The following CDH12 variants were observed in gnomAD, a reference collection of about 807,000 sequenced individuals.
CDH12 encodes cadherin-12.
In CDH12, 41 loss-of-function variants were observed where a neutral mutation model predicts 74.1. That is an observed-to-expected ratio of 0.55 (90% CI 0.43 to 0.72). The LOEUF (loss-of-function observed/expected upper bound fraction) is 0.72, where lower values mean the gene tolerates loss of function less well. Ranked by LOEUF, CDH12 falls within the 30% of genes least tolerant of loss-of-function variation. The pLI is 0.00. For missense variants in CDH12, 945 were observed against 977.2 expected (o/e 0.97, Z 0.44); for synonymous variants, 399 against 355.0 (o/e 1.12, Z -1.39).
chr5:21,798,836 G>T (rs1746946919), intron 10 of CDH12, among the ~76,000 whole-genome samples: 1 of 152,076 alleles, frequency 6.6e-6, no homozygotes, highest in Admixed American at 6.6e-5. Context: ...TCCATCAACG[G>T]TAATTTGTTA....
intron 6 of CDH12, among the ~76,000 whole-genome samples, chr5:21,867,166 C>T (rs957825835): frequency 7.2e-5 from 11 of 152,098 alleles, no homozygotes; most frequent in Non-Finnish European, 1.3e-4. Context: ...ACCAGTCTGG[C>T]CAACATGGTG....
chr5:22,197,997 A>G (rs1236538263), intron 4 of CDH12, among the ~76,000 whole-genome samples: 1 of 151,882 alleles, frequency 6.6e-6, no homozygotes, highest in Non-Finnish European at 1.5e-5. Flanking sequence ...GATAAAAATA[A>G]CAGTAAAATA....
At chr5:22,466,117 T>C (rs557647585) in intron 2 of CDH12, among the ~76,000 whole-genome samples, 2 of 152,316 alleles carry the variant, frequency 1.3e-5, no homozygotes, top group South Asian at 4.1e-4. Flanking sequence ...TCTAACCTGC[T>C]GATCTTTTTC....
At chr5:22,239,033 A>G (rs2050432055) in intron 3 of CDH12, among the ~76,000 whole-genome samples, 1 of 152,198 alleles carries the variant, frequency 6.6e-6, no homozygotes, top group African/African-American at 2.4e-5. Context: ...ACATATAAGA[A>G]TTTCTAGTAA....
At chr5:21,812,936 G>C (rs767050729) in intron 9 of CDH12, among the ~76,000 whole-genome samples, 8 of 152,092 alleles carry the variant, frequency 5.3e-5, no homozygotes, top group Admixed American at 1.3e-4. Flanking sequence ...TGTTTTATTA[G>C]GCTCTGAAGT....
chr5:21,999,300 A>G (rs1327298594), intron 5 of CDH12, among the ~76,000 whole-genome samples: 2 of 152,148 alleles, frequency 1.3e-5, no homozygotes, highest in Non-Finnish European at 1.5e-5. Flanking sequence ...ACCAACATTT[A>G]AAAGGCAAAC....
chr5:22,493,361 G>T (rs868244281), intron 2 of CDH12, among the ~76,000 whole-genome samples: 1 of 152,016 alleles, frequency 6.6e-6, no homozygotes, highest in African/African-American at 2.4e-5. Flanking sequence ...AAACATACTG[G>T]GTTTGTTGAA....
chr5:22,471,670 G>C (rs1006082234), intron 2 of CDH12, among the ~76,000 whole-genome samples: 3 of 151,964 alleles, frequency 2.0e-5, no homozygotes, highest in Non-Finnish European at 2.9e-5. Context: ...CTCAGGTTAG[G>C]GTCTGTTCAA....
intron 1 of CDH12, among the ~76,000 whole-genome samples, chr5:22,575,168 A>G (rs951316423): frequency 6.6e-6 from 1 of 152,142 alleles, no homozygotes. Flanking sequence ...TCCCTCACCC[A>G]GTGTGTGGTG....
chr5:22,029,718 A>G (rs1373196776), intron 5 of CDH12, among the ~76,000 whole-genome samples: 9 of 152,238 alleles, frequency 5.9e-5, no homozygotes, highest in Admixed American at 4.6e-4. Flanking sequence ...TTCCTCAGGG[A>G]TCTAGAACTA....
intron 1 of CDH12, among the ~76,000 whole-genome samples, chr5:22,632,713 G>A (rs187282084): frequency 6.6e-6 from 1 of 152,074 alleles, no homozygotes; most frequent in Non-Finnish European, 1.5e-5. Flanking sequence ...CGCATAATAG[G>A]AATCTCAGCT....
At chr5:22,640,434 T>C (rs2126869645) in intron 1 of CDH12, among the ~76,000 whole-genome samples, 1 of 152,360 alleles carries the variant, frequency 6.6e-6, no homozygotes, top group African/African-American at 2.4e-5. Flanking sequence ...AATCCTACTC[T>C]GTTTACGTTA....
intron 5 of CDH12, among the ~76,000 whole-genome samples, chr5:22,023,579 C>CTCTA (rs1554000536): frequency 6.7e-6 from 1 of 148,328 alleles, no homozygotes; most frequent in African/African-American, 2.5e-5. Context: ...TTCTCTCTCT[C>CTCTA]TATATATATA....
At position 21,975,182 on chromosome 5, in the gene CDH12, T is replaced by C. The variant is rs547923700; in HGVS notation, c.435A>G (p.Glu145=). 13 of 1,596,826 alleles carry C rather than the reference T, an allele frequency of 8.1e-6. No individual in the cohort carries two copies. In the South Asian group the frequency reaches 1.4e-4, roughly 18 times the overall value. The change falls in exon 6 of 15, where the codon GAA becomes GAG. Residue 145 remains glutamate (E), a synonymous_variant. Transcript: ENST00000382254. ...ETRKPLEPES[E]FIIKVQDIND... The stretch of plus-strand genomic sequence containing the variant: ...TAATATCCTGCACTTTGATGATGAA[T>C]TCTGATTCAGGCTCCAGGGGCTTTC...
chr5:22,292,378 A>C (rs1263524446), intron 3 of CDH12, among the ~76,000 whole-genome samples: 3 of 145,378 alleles, frequency 2.1e-5, no homozygotes, highest in Non-Finnish European at 4.5e-5. Context: ...CTCCAAGAAA[A>C]GCAAAAATAG....
At chr5:21,840,186 T>C (rs1232490110) in intron 8 of CDH12, among the ~76,000 whole-genome samples, 1 of 152,190 alleles carries the variant, frequency 6.6e-6, no homozygotes, top group Non-Finnish European at 1.5e-5. Context: ...TTATATGACA[T>C]AGCATCTAAT....
At chr5:21,997,015 A>C (rs1736339915) in intron 5 of CDH12, among the ~76,000 whole-genome samples, 1 of 152,182 alleles carries the variant, frequency 6.6e-6, no homozygotes, top group South Asian at 2.1e-4. Flanking sequence ...TAATGACATT[A>C]ATATTTTCTA....
chr5:21,796,232 G>A (rs78795420), intron 10 of CDH12, among the ~76,000 whole-genome samples: 4,025 of 152,056 alleles, frequency 0.026, 148 homozygotes, highest in African/African-American at 0.084. Flanking sequence ...AGACACTTAA[G>A]CTCCTGAACA....
intron 1 of CDH12, among the ~76,000 whole-genome samples, chr5:22,632,308 G>A (rs1283263316): frequency 6.6e-6 from 1 of 152,044 alleles, no homozygotes; most frequent in Admixed American, 6.6e-5. Context: ...AAGTTACCCA[G>A]TCTCAGGAGT....
Sources: gnomAD v4.1 joint callset for allele counts (sites outside exome capture counted in the v4.1 genomes callset) on GRCh38, gnomAD v4.1.1 for gene constraint, MANE v1.5 for transcripts, NCBI Gene and HGNC (gene_info 2026-07-23, HGNC 2026-07-21) for gene names.